The following GALNT10 variants were observed in gnomAD, a reference collection of about 807,000 sequenced individuals.
GALNT10 encodes the protein polypeptide N-acetylgalactosaminyltransferase 10.
Under a neutral mutation model 75.0 loss-of-function variants are expected in GALNT10, and 41 were observed. The observed-to-expected ratio is 0.55, with a 90% confidence interval of 0.43 to 0.71. GALNT10 has a LOEUF of 0.71. GALNT10 is among the 30% of genes least tolerant of loss of function. The pLI is 0.00. For missense variants in GALNT10, 727 were observed against 818.5 expected, an observed-to-expected ratio of 0.89 and a Z score of 1.36; for synonymous variants, 302 against 313.0, an observed-to-expected ratio of 0.96 and a Z score of 0.37.
chr5:154,216,084 C>T (rs1752868288), intron 1 of GALNT10, among the ~76,000 whole-genome samples: 1 of 152,082 alleles, frequency 6.6e-6, no homozygotes, highest in Non-Finnish European at 1.5e-5. Context: ...TCACTGCTTT[C>T]TGTTCAAGAT....
Position 154,402,399 on chromosome 5 carries a change from C to T in GALNT10, c.1057-1705C>T, listed in dbSNP as rs1434296779. On this transcript the variant is annotated intron_variant, in intron 7 of 11. Coordinates refer to ENST00000297107, the MANE Select transcript of GALNT10 (RefSeq NM_198321.4). This position sits in a 1 kb window ranked among gnomAD's most constrained non-coding sequence, Gnocchi z 4.2. ...ACATCCCTTCCGAAGTGAGGCTTTC[C>T]CTGACTGGGGAGCATAAAGTAGCAT... Among the ~76,000 whole-genome samples, 1 of 152,224 alleles carries T rather than the reference C, an allele frequency of 6.6e-6. No individual in the cohort carries two copies.
At chr5:154,255,670 A>G (rs1753595812) in intron 1 of GALNT10, among the ~76,000 whole-genome samples, 1 of 152,062 alleles carries the variant, frequency 6.6e-6, no homozygotes, top group African/African-American at 2.4e-5. Flanking sequence ...CAGGTCTAGT[A>G]TGTCTTCCAC....
chr5:154,337,215 C>T (rs565713529), intron 4 of GALNT10, among the ~76,000 whole-genome samples: 2 of 152,232 alleles, frequency 1.3e-5, no homozygotes, highest in South Asian at 4.2e-4. Context: ...AACATTAAAA[C>T]CCTTTGTTCG....
chr5:154,370,258 A>T (rs1399340126), intron 4 of GALNT10, among the ~76,000 whole-genome samples: 1 of 152,248 alleles, frequency 6.6e-6, no homozygotes, highest in African/African-American at 2.4e-5. Flanking sequence ...GCTAGGCACG[A>T]GGACACCCTG....
Position 154,252,250 on chromosome 5 carries a change from CAGGTGAGTATAT to C in GALNT10, c.160-42551_160-42540del, listed in dbSNP as rs1753534600. Reference sequence around the variant, plus strand: ...CCCTCTTAACTTCCACTTAGTTCTACAGGTGAGTATATAGGTGAGTATATAGTTAATATTCAC... The same window carrying C: ...CCCTCTTAACTTCCACTTAGTTCTACAGGTGAGTATATAGTTAATATTCAC... On this transcript the variant is annotated intron_variant, in intron 1 of 11. Coordinates refer to ENST00000297107, the MANE Select transcript of GALNT10 (RefSeq NM_198321.4). Among the ~76,000 whole-genome samples, 3 of 152,236 alleles carry C rather than the reference CAGGTGAGTATAT, an allele frequency of 2.0e-5. No individual in the cohort carries two copies. In the South Asian group the frequency reaches 6.2e-4, roughly 32 times the overall value.
At chr5:154,214,183 G>C (rs1752829370) in intron 1 of GALNT10, among the ~76,000 whole-genome samples, 1 of 151,900 alleles carries the variant, frequency 6.6e-6, no homozygotes, top group Non-Finnish European at 1.5e-5. Context: ...GAGAAAAATT[G>C]GTTTTGATCT....
At chr5:154,192,344 A>AACCTT (rs1774870633) in intron 1 of GALNT10, among the ~76,000 whole-genome samples, 4 of 152,354 alleles carry the variant, frequency 2.6e-5, no homozygotes, top group African/African-American at 9.6e-5. Context: ...TTTAGAAACT[A>AACCTT]AGGTTTCCAT....
chr5:154,284,218 C>T (rs1414162089), intron 1 of GALNT10, among the ~76,000 whole-genome samples: 1 of 152,138 alleles, frequency 6.6e-6, no homozygotes, highest in Non-Finnish European at 1.5e-5. Flanking sequence ...CCCCATTTTA[C>T]AGTTGGGAAA....
At chr5:154,226,873 A>C (rs1169324657) in intron 1 of GALNT10, among the ~76,000 whole-genome samples, 2 of 151,862 alleles carry the variant, frequency 1.3e-5, no homozygotes, top group Non-Finnish European at 2.9e-5. Flanking sequence ...CCAGGCAACC[A>C]CTGCCCTCTA....
At chr5:154,301,920 A>C (rs1376308933) in intron 3 of GALNT10, among the ~76,000 whole-genome samples, 1 of 152,180 alleles carries the variant, frequency 6.6e-6, no homozygotes, top group Non-Finnish European at 1.5e-5. Context: ...CCAGCCAGCC[A>C]GCCAGCATCC....
At chr5:154,287,977 A>AG (rs10700609) in intron 1 of GALNT10, among the ~76,000 whole-genome samples, 1 of 150,692 alleles carries the variant, frequency 6.6e-6, no homozygotes, top group African/African-American at 2.4e-5. Context: ...AGAGAGAGAG[A>AG]AGTTTATTAA....
intron 1 of GALNT10, among the ~76,000 whole-genome samples, chr5:154,195,215 T>C (rs1009774681): frequency 2.6e-5 from 4 of 152,212 alleles, no homozygotes; most frequent in Non-Finnish European, 4.4e-5. Context: ...AAAAGCACCT[T>C]GAGGCAAACC....
chr5:154,360,802 A>T (rs960179555), intron 4 of GALNT10, among the ~76,000 whole-genome samples: 3 of 152,238 alleles, frequency 2.0e-5, no homozygotes, highest in Non-Finnish European at 4.4e-5. Flanking sequence ...TAATTAAAAA[A>T]CAATACTATC....
chr5:154,190,760 C>G lies in GALNT10; in HGVS notation c.-107C>G, dbSNP rs1335330359. 5.1e-6 allele frequency: 2 copies of G among 394,846 alleles called. No individual in the cohort carries two copies. The highest frequency in any genetic ancestry group is 2.2e-5 in the African/African-American group (1 of 45,784). 24.5% of individuals were successfully genotyped at this position (394,846 alleles called of 1,614,324 possible). A position where few individuals can be genotyped will look rare whatever the true frequency, so the allele number is the denominator to read the frequency against. On this transcript the variant is annotated 5_prime_UTR_variant, in exon 1 of 12. Transcript: ENST00000297107. ...GTTGGAGCGGGGCCGGCGCCGCAGC[C>G]GCTTCTGCTGGCTGAGCTGCTGCCG...
At chr5:154,317,108 C>A (rs542308031) in intron 3 of GALNT10, among the ~76,000 whole-genome samples, 1 of 152,158 alleles carries the variant, frequency 6.6e-6, no homozygotes, top group Non-Finnish European at 1.5e-5. Context: ...TAGGAACTTG[C>A]CGGGGTCTCA....
intron 4 of GALNT10, among the ~76,000 whole-genome samples, chr5:154,373,374 G>A (rs554895177): frequency 3.3e-5 from 5 of 152,296 alleles, no homozygotes; most frequent in African/African-American, 7.2e-5. Context: ...TAACTAAAGC[G>A]AGGCAGACAT....
At chr5:154,322,598 C>T (rs574345871) in intron 3 of GALNT10, among the ~76,000 whole-genome samples, 1 of 152,304 alleles carries the variant, frequency 6.6e-6, no homozygotes, top group South Asian at 2.1e-4. Flanking sequence ...TGCTACTCTG[C>T]TTACCATGCC....
At chr5:154,313,558 G>A (rs1754555882) in intron 3 of GALNT10, among the ~76,000 whole-genome samples, 2 of 152,176 alleles carry the variant, frequency 1.3e-5, no homozygotes, top group Admixed American at 1.3e-4. Context: ...TTAGCTGTCT[G>A]TTGAACAGGG....
intron 1 of GALNT10, among the ~76,000 whole-genome samples, chr5:154,279,473 T>C (rs1351670143): frequency 6.6e-6 from 1 of 151,930 alleles, no homozygotes; most frequent in Non-Finnish European, 1.5e-5. Flanking sequence ...CCAGCTAATT[T>C]TGTATTTTTA....
Sources: allele counts gnomAD v4.1 joint callset (sites outside exome capture counted in the v4.1 genomes callset), GRCh38; gene constraint gnomAD v4.1.1; non-coding constraint Gnocchi (gnomAD v3.1); transcripts MANE v1.5; gene names NCBI Gene and HGNC (gene_info 2026-07-23, HGNC 2026-07-21).